The following CORO2B variants were observed in gnomAD, a reference collection of about 807,000 sequenced individuals.
CORO2B encodes coronin-2B.
A neutral mutation model predicts 58.8 loss-of-function variants in CORO2B; 26 were observed. The observed-to-expected ratio is 0.44, with a 90% confidence interval of 0.32 to 0.61. The LOEUF is 0.61. Among genes scored for constraint, CORO2B ranks in the 20% least tolerant of loss-of-function variants. CORO2B has a pLI of 0.04. For missense variants in CORO2B, 460 were observed against 645.1 expected, an observed-to-expected ratio of 0.71 and a Z score of 3.11; for synonymous variants, 242 against 253.8, an observed-to-expected ratio of 0.95 and a Z score of 0.44.
intron 2 of CORO2B, among the ~76,000 whole-genome samples, chr15:68,676,968 T>A (rs1902608239): frequency 6.6e-6 from 1 of 152,068 alleles, no homozygotes; most frequent in Admixed American, 6.5e-5. Flanking sequence ...AGAGACAGGT[T>A]TCACTGTGCT....
At chr15:68,582,211 C>A (rs1033279946) in intron 1 of CORO2B, among the ~76,000 whole-genome samples, 1 of 152,214 alleles carries the variant, frequency 6.6e-6, no homozygotes, top group African/African-American at 2.4e-5. Flanking sequence ...GAACACAGAG[C>A]CCCGGAGAAC....
the CORO2B span, among the ~76,000 whole-genome samples, chr15:68,535,254 A>G: frequency 1.3e-5 from 2 of 152,188 alleles, no homozygotes; most frequent in African/African-American, 4.8e-5. Context: ...CCCTTATCCT[A>G]TGTTCTGCCT....
At chr15:68,540,535 G>A in the CORO2B span, among the ~76,000 whole-genome samples, 4 of 152,166 alleles carry the variant, frequency 2.6e-5, no homozygotes, top group Non-Finnish European at 2.9e-5. Context: ...TGAAAAATGT[G>A]CAGTTTAGCT....
chr15:68,563,547 T>G, the CORO2B span, among the ~76,000 whole-genome samples: 1 of 142,050 alleles, frequency 7.0e-6, no homozygotes, highest in Non-Finnish European at 1.6e-5. Context: ...AAAAATTAAG[T>G]GGAGATAAAT....
chr15:68,688,722 C>T (rs1411521316), intron 2 of CORO2B, among the ~76,000 whole-genome samples: 1 of 152,064 alleles, frequency 6.6e-6, no homozygotes, highest in African/African-American at 2.4e-5. Flanking sequence ...TGACAATGTC[C>T]CCATTGCTGT....
intron 10 of CORO2B, 68 bp downstream of exon 10, chr15:68,719,302 A>C: frequency 6.3e-7 from 1 of 1,598,358 alleles, no homozygotes; most frequent in Non-Finnish European, 8.6e-7. Flanking sequence ...AGCTCACCCC[A>C]GTTCTCCTTG....
chr15:68,674,259 G>A (rs988996566), intron 2 of CORO2B, among the ~76,000 whole-genome samples: 2 of 152,222 alleles, frequency 1.3e-5, no homozygotes, highest in African/African-American at 2.4e-5. Flanking sequence ...GCTTTCCAGA[G>A]AAGAAGCAAC....
At chr15:68,684,166 C>A (rs990797911) in intron 2 of CORO2B, among the ~76,000 whole-genome samples, 14 of 152,122 alleles carry the variant, frequency 9.2e-5, no homozygotes, top group Non-Finnish European at 1.8e-4. Context: ...GTGAATAAAG[C>A]CTTTGACTCA....
the CORO2B span, among the ~76,000 whole-genome samples, chr15:68,546,665 A>AAATG: frequency 1.3e-5 from 2 of 152,198 alleles, no homozygotes; most frequent in African/African-American, 2.4e-5. Flanking sequence ...AATAGTTACT[A>AAATG]AATGAATGAA....
At chr15:68,677,289 C>T (rs1902620042) in intron 2 of CORO2B, among the ~76,000 whole-genome samples, 1 of 152,220 alleles carries the variant, frequency 6.6e-6, no homozygotes, top group Non-Finnish European at 1.5e-5. Flanking sequence ...TGGGCCTGAG[C>T]AGAGACTGCA....
At chr15:68,598,109 C>CCATA (rs1206453808) in intron 1 of CORO2B, among the ~76,000 whole-genome samples, 1 of 152,224 alleles carries the variant, frequency 6.6e-6, no homozygotes, top group East Asian at 1.9e-4. Context: ...CCACCTTGTT[C>CCATA]CATAGACTTG....
the CORO2B span, among the ~76,000 whole-genome samples, chr15:68,541,057 C>T: frequency 2.6e-3 from 398 of 152,146 alleles, 1 homozygote; most frequent in African/African-American, 9.3e-3. Context: ...TTGTAAAACC[C>T]CATCTCTACA....
chr15:68,608,831 G>T (rs112933611), intron 1 of CORO2B, among the ~76,000 whole-genome samples: 2 of 152,052 alleles, frequency 1.3e-5, no homozygotes, highest in Non-Finnish European at 2.9e-5. Context: ...TTGAAATTCC[G>T]CACTCTCATC....
At chr15:68,666,788 C>T (rs1902205939) in intron 2 of CORO2B, among the ~76,000 whole-genome samples, 1 of 152,174 alleles carries the variant, frequency 6.6e-6, no homozygotes, top group Non-Finnish European at 1.5e-5. Context: ...CTTATCTACA[C>T]TATTGCAATC....
At chr15:68,528,288 C>A in the CORO2B span, among the ~76,000 whole-genome samples, 1 of 152,090 alleles carries the variant, frequency 6.6e-6, no homozygotes, top group Non-Finnish European at 1.5e-5. Flanking sequence ...TTTATATATT[C>A]TCTTTATCAA....
the CORO2B span, among the ~76,000 whole-genome samples, chr15:68,547,174 G>A: frequency 6.6e-6 from 1 of 152,138 alleles, no homozygotes; most frequent in African/African-American, 2.4e-5. Context: ...CTGCAGCTGA[G>A]CTTCCTAGCA....
chr15:68,705,055 TCTG>T (rs1892749725), intron 3 of CORO2B, among the ~76,000 whole-genome samples: 1 of 152,144 alleles, frequency 6.6e-6, no homozygotes, highest in Admixed American at 6.5e-5. Flanking sequence ...CAGCTCCTCC[TCTG>T]AGCTCTGTAG....
intron 1 of CORO2B, among the ~76,000 whole-genome samples, chr15:68,613,433 T>A (rs978490783): frequency 2.6e-5 from 4 of 152,182 alleles, no homozygotes; most frequent in African/African-American, 9.7e-5. Context: ...TTCTTCCCCA[T>A]TTCAACCCTC....
chr15:68,711,083 G>A (rs1175261650), intron 4 of CORO2B, among the ~76,000 whole-genome samples: 2 of 152,178 alleles, frequency 1.3e-5, no homozygotes, highest in Non-Finnish European at 2.9e-5. Flanking sequence ...CACAGAGGCC[G>A]GAGGCATCTT....
Sources: allele counts gnomAD v4.1 joint callset (sites outside exome capture counted in the v4.1 genomes callset), GRCh38; gene constraint gnomAD v4.1.1; transcripts MANE v1.5; gene names NCBI Gene and HGNC (gene_info 2026-07-23, HGNC 2026-07-21).